FYN: variants seen among roughly 807,000 people sequenced by gnomAD.
FYN encodes tyrosine-protein kinase Fyn.
Under a neutral mutation model 70.2 loss-of-function variants are expected in FYN, and 10 were observed. The ratio of observed to expected loss-of-function variants is 0.14; its 90% confidence interval spans 0.09 to 0.24. FYN has a LOEUF of 0.24. FYN is among the 10% of genes least tolerant of loss of function. The pLI is 1.00. For synonymous variants in FYN, 236 were observed against 248.6 expected, an observed-to-expected ratio of 0.95 and a Z score of 0.48; for missense variants, 319 against 673.1, an observed-to-expected ratio of 0.47 and a Z score of 5.82.
intron 3 of FYN, among the ~76,000 whole-genome samples, chr6:111,721,656 C>T (rs756900418): frequency 2.0e-5 from 3 of 152,098 alleles, no homozygotes; most frequent in Non-Finnish European, 2.9e-5. Flanking sequence ...CCGCCCGCCT[C>T]GGCCTCCCAA....
chr6:111,681,274 C>A (rs1018607874), intron 12 of FYN, among the ~76,000 whole-genome samples: 1 of 152,040 alleles, frequency 6.6e-6, no homozygotes, highest in Non-Finnish European at 1.5e-5. Flanking sequence ...GTGATCCACC[C>A]ACCTCGGCCT....
chr6:111,797,667 TA>T (rs1771850378), intron 2 of FYN, among the ~76,000 whole-genome samples: 1 of 5,304 alleles, frequency 1.9e-4, no homozygotes, highest in East Asian at 0.031. Context: ...CAAAGTTTCA[TA>T]TATATATATA....
chr6:111,832,239 C>T (rs908295206), intron 2 of FYN, among the ~76,000 whole-genome samples: 3 of 152,104 alleles, frequency 2.0e-5, no homozygotes, highest in Non-Finnish European at 1.5e-5. Context: ...CCAGGGATAG[C>T]GCCGAAGGAC....
At chr6:111,803,332 C>G (rs1016246277) in intron 2 of FYN, among the ~76,000 whole-genome samples, 4 of 152,136 alleles carry the variant, frequency 2.6e-5, no homozygotes, top group African/African-American at 9.7e-5. Flanking sequence ...AATCATGCCA[C>G]TTTTATGGCT....
chr6:111,713,549 C>T (rs72940277), intron 5 of FYN, among the ~76,000 whole-genome samples: 109 of 152,142 alleles, frequency 7.2e-4, no homozygotes, highest in Non-Finnish European at 1.3e-3. Flanking sequence ...CCCACCCCCC[C>T]ACACTTTCTT....
At chr6:111,672,389 G>T (rs1197270387) in intron 13 of FYN, among the ~76,000 whole-genome samples, 1 of 152,216 alleles carries the variant, frequency 6.6e-6, no homozygotes, top group Admixed American at 6.5e-5. Context: ...GGAGCCGCTG[G>T]AGTTAGTTCT....
intron 3 of FYN, among the ~76,000 whole-genome samples, chr6:111,731,071 G>A (rs573786620): frequency 3.9e-5 from 6 of 152,294 alleles, no homozygotes; most frequent in East Asian, 1.9e-4. Context: ...TTGAATAGGC[G>A]TCATCAATGC....
At chr6:111,845,439 T>G (rs1373416192) in intron 2 of FYN, among the ~76,000 whole-genome samples, 1 of 152,174 alleles carries the variant, frequency 6.6e-6, no homozygotes, top group Non-Finnish European at 1.5e-5. Context: ...TTGTATGAGC[T>G]GAAAAGCCCG....
intron 3 of FYN, chr6:111,754,576 G>C (rs920376569): frequency 6.6e-6 from 1 of 152,140 alleles, no homozygotes; most frequent in Non-Finnish European, 1.5e-5. Context: ...CCTTCCTTGA[G>C]CAGTATGCTG....
chr6:111,671,429 G>A (rs746681588), intron 13 of FYN, among the ~76,000 whole-genome samples: 2 of 151,764 alleles, frequency 1.3e-5, no homozygotes, highest in Non-Finnish European at 2.9e-5. Flanking sequence ...CCCTCCTCCC[G>A]CACCTCCATC....
At chr6:111,749,604 T>C (rs945281163) in intron 3 of FYN, among the ~76,000 whole-genome samples, 1 of 152,222 alleles carries the variant, frequency 6.6e-6, no homozygotes. Context: ...CTATTTCTTT[T>C]CATGTTCAAA....
At chr6:111,671,180 A>AT (rs1798252295) in intron 13 of FYN, among the ~76,000 whole-genome samples, 1 of 151,992 alleles carries the variant, frequency 6.6e-6, no homozygotes, top group African/African-American at 2.4e-5. Flanking sequence ...ATATTTCAGT[A>AT]TTTTTTCCTT....
rs78561719 is a variant in FYN, at chr6:111,667,210, T to C, written c.1406-5263A>G. ...TTCTTTGAGCTGTACATGAACTCAG[T>C]AGTCTTCCCTTTTTCCTTTTAGATT... is the stretch of plus-strand genomic sequence containing the variant. On this transcript the variant is annotated intron_variant, in intron 13 of 13. Transcript: ENST00000354650. Among the ~76,000 whole-genome samples, 555 of 152,240 alleles carry C rather than the reference T, an allele frequency of 3.6e-3. 3 individuals are homozygous for C. The highest frequency in any genetic ancestry group is 0.013 in the African/African-American group (542 of 41,530).
At chr6:111,765,729 CACTT>C (rs1803204482) in intron 3 of FYN, among the ~76,000 whole-genome samples, 2 of 149,478 alleles carry the variant, frequency 1.3e-5, no homozygotes, top group Non-Finnish European at 3.0e-5. Context: ...GAAGAAGTGA[CACTT>C]AAGATGAGCC....
intron 3 of FYN, among the ~76,000 whole-genome samples, chr6:111,740,068 C>T (rs1044015791): frequency 8.5e-6 from 1 of 117,206 alleles, no homozygotes; most frequent in African/African-American, 3.1e-5. Context: ...GTGATCCACC[C>T]ACTCGGTCTC....
At chr6:111,723,842 T>G (rs1401959358) in intron 3 of FYN, among the ~76,000 whole-genome samples, 1 of 152,342 alleles carries the variant, frequency 6.6e-6, no homozygotes, top group East Asian at 1.9e-4. Context: ...TATAGATCTC[T>G]GGGGCACCGG....
intron 1 of FYN, 69 bp from the exon 2 acceptor site, chr6:111,846,698 C>A: frequency 2.5e-6 from 1 of 398,454 alleles, no homozygotes; most frequent in South Asian, 1.3e-4. Context: ...ACAAACCACC[C>A]ACAAAGCACC....
At chr6:111,721,884 G>A (rs138812668) in intron 3 of FYN, among the ~76,000 whole-genome samples, 1 of 152,136 alleles carries the variant, frequency 6.6e-6, no homozygotes, top group Non-Finnish European at 1.5e-5. Flanking sequence ...TGCCAAAACC[G>A]CAAACTAGCC....
At chr6:111,737,877 T>C (rs1349490298) in intron 3 of FYN, among the ~76,000 whole-genome samples, 1 of 152,104 alleles carries the variant, frequency 6.6e-6, no homozygotes, top group African/African-American at 2.4e-5. Context: ...CTTCACAATA[T>C]CACTAATGGC....
Sources: allele counts gnomAD v4.1 joint callset (sites outside exome capture counted in the v4.1 genomes callset), GRCh38; gene constraint gnomAD v4.1.1; transcripts MANE v1.5; gene names NCBI Gene and HGNC (gene_info 2026-07-23, HGNC 2026-07-21).